ZNF609: variants seen among roughly 807,000 people sequenced by gnomAD.
ZNF609 encodes the protein zinc finger protein 609.
A neutral mutation model predicts 109.5 loss-of-function variants in ZNF609; 11 were observed. The observed-to-expected ratio is 0.10, with a 90% CI of 0.06 to 0.17. The LOEUF is 0.17. Among genes scored for constraint, ZNF609 ranks in the 10% least tolerant of loss-of-function variants. The pLI is 1.00. For missense variants in ZNF609, 1,559 were observed against 1,772.4 expected (o/e 0.88, Z 2.16); for synonymous variants, 646 against 662.0 (o/e 0.98, Z 0.37).
chr15:64,565,426 G>A (rs936827033), intron 2 of ZNF609, among the ~76,000 whole-genome samples: 1 of 151,860 alleles, frequency 6.6e-6, no homozygotes. Context: ...TGTTTTGCTT[G>A]TCTTTAAGTG....
rs1230666051 is a variant in ZNF609, at chr15:64,669,801, G to A, written c.974-545G>A. On this transcript the variant is annotated intron_variant, in intron 3 of 9. Transcript: ENST00000326648. ...TCCTGCCTCACTCTCCTGAGTAGCT[G>A]GGATTACAGGCATGCACCACTATGC... 3.3e-5 allele frequency among the ~76,000 whole-genome samples: 5 copies of A among 152,208 alleles called. No homozygotes were observed. The East Asian group carries it at 5.8e-4, about 18-fold the overall frequency.
chr15:64,608,216 T>C (rs1895644773), intron 2 of ZNF609, among the ~76,000 whole-genome samples: 1 of 152,144 alleles, frequency 6.6e-6, no homozygotes, highest in Non-Finnish European at 1.5e-5. Flanking sequence ...CTTATTTTAA[T>C]TCTAGTCTGG....
chr15:64,592,658 C>T (rs151256806), intron 2 of ZNF609, among the ~76,000 whole-genome samples: 18 of 151,560 alleles, frequency 1.2e-4, no homozygotes, highest in African/African-American at 4.4e-4. Flanking sequence ...TCACGAGGCC[C>T]GCAATCCCAG....
At chr15:64,624,761 CTTT>C (rs11411889) in intron 3 of ZNF609, among the ~76,000 whole-genome samples, 3 of 131,866 alleles carry the variant, frequency 2.3e-5, no homozygotes, top group Non-Finnish European at 4.7e-5. Flanking sequence ...GTTACGTACA[CTTT>C]TTTTTTTTTT....
chr15:64,481,743 C>A (rs906540745), intron 1 of ZNF609, among the ~76,000 whole-genome samples: 1 of 152,108 alleles, frequency 6.6e-6, no homozygotes, highest in African/African-American at 2.4e-5. Flanking sequence ...ATTCAATAAG[C>A]CTCTTTGTAG....
In ZNF609 at chr15:64,674,845, C is replaced by G; in HGVS notation, c.1991C>G (p.Pro664Arg). ...GCCCGTCCCATTGCCCCTGCCATCC[C>G]CCCACAGCAAATCTACACCTTCCAG... is the stretch of plus-strand genomic sequence containing the variant. ...KSARPIAPAI[P>R]PQQIYTFQTA... Residue 664 changes from proline (P) to arginine (R), a missense_variant, in exon 5 of 10, where the codon CCC (proline) becomes CGC (arginine). Pro to Arg is a moderately radical substitution (Grantham distance 103). Transcript: ENST00000326648. 6.2e-7 allele frequency: 1 copy of G among 1,614,164 alleles called. No individual in the cohort carries two copies. Among genetic ancestry groups the G allele is most frequent in the Non-Finnish European group, 8.5e-7 (1 of 1,180,036 alleles).
At chr15:64,487,609 GT>G (rs966684139) in intron 1 of ZNF609, among the ~76,000 whole-genome samples, 12 of 146,864 alleles carry the variant, frequency 8.2e-5, no homozygotes, top group Admixed American at 6.8e-5. Flanking sequence ...ATTCACAGGT[GT>G]TTTTTTTTTG....
rs1457111000 is a variant in ZNF609, at chr15:64,499,769, G to C, written c.350G>C (p.Ser117Thr). ...TTCACTCCAAGTGAGGGGGCAGCTA[G>C]CAAGAAAGAGGTGCAGGGGCGCTCA... is the stretch of plus-strand genomic sequence containing the variant. ...SLFTPSEGAASKKEVQGRSGD... is the reference protein window; with the variant it reads ...SLFTPSEGAATKKEVQGRSGD... The change falls in exon 2 of 10, where the codon AGC becomes ACC. Residue 117 changes from serine to threonine, a missense_variant. Physicochemically the swap from Ser to Thr is moderately conservative, Grantham distance 58. Transcript: ENST00000326648. 6.2e-7 allele frequency: 1 copy of C among 1,614,038 alleles called. No homozygotes were observed. Among genetic ancestry groups the C allele is most frequent in the South Asian group, 1.1e-5 (1 of 91,076 alleles).
chr15:64,602,837 C>T (rs1316238532), intron 2 of ZNF609, among the ~76,000 whole-genome samples: 10 of 146,890 alleles, frequency 6.8e-5, no homozygotes, highest in African/African-American at 2.5e-4. Context: ...ATTCTCCTGA[C>T]TCAGCCTCCC....
chr15:64,604,816 G>GTTAT (rs1419551608), intron 2 of ZNF609, among the ~76,000 whole-genome samples: 14 of 151,702 alleles, frequency 9.2e-5, no homozygotes, highest in Non-Finnish European at 1.9e-4. Flanking sequence ...AATTTATTTA[G>GTTAT]TTATTTATTC....
intron 2 of ZNF609, among the ~76,000 whole-genome samples, chr15:64,514,192 G>A (rs928653072): frequency 6.6e-6 from 1 of 151,278 alleles, no homozygotes; most frequent in South Asian, 2.1e-4. Flanking sequence ...CATTCAAATT[G>A]GTTTTTGTTC....
At chr15:64,561,971 AC>A (rs1250411423) in intron 2 of ZNF609, among the ~76,000 whole-genome samples, 1 of 152,074 alleles carries the variant, frequency 6.6e-6, no homozygotes, top group Non-Finnish European at 1.5e-5. Flanking sequence ...ATAAGGGTAG[AC>A]CTCCTAATGC....
At chr15:64,663,022 T>C (rs1896601784) in intron 3 of ZNF609, among the ~76,000 whole-genome samples, 1 of 152,154 alleles carries the variant, frequency 6.6e-6, no homozygotes, top group African/African-American at 2.4e-5. Flanking sequence ...TACAGATGTA[T>C]GTATCACCTA....
intron 4 of ZNF609, among the ~76,000 whole-genome samples, chr15:64,672,367 G>A (rs1896745155): frequency 6.7e-6 from 1 of 150,132 alleles, no homozygotes; most frequent in African/African-American, 2.4e-5. Context: ...GCTAACGCCT[G>A]TAATCCCAGC....
chr15:64,529,327 C>G, intron 2 of ZNF609: 1 of 724,038 alleles, frequency 1.4e-6, no homozygotes, highest in Non-Finnish European at 2.5e-6. Context: ...CTTTTGGCTC[C>G]CCCCTGCAAG....
chr15:64,497,225 T>C (rs1221235148), intron 1 of ZNF609, among the ~76,000 whole-genome samples: 1 of 152,242 alleles, frequency 6.6e-6, no homozygotes, highest in African/African-American at 2.4e-5. Flanking sequence ...TCTTATAAAG[T>C]AGGATCTATG....
intron 2 of ZNF609, chr15:64,592,871 C>T: frequency 1.6e-6 from 1 of 621,116 alleles, no homozygotes; most frequent in Non-Finnish European, 2.8e-6. Flanking sequence ...TGGGATCGCG[C>T]CACTGCACCC....
chr15:64,576,904 A>G (rs561068318), intron 2 of ZNF609, among the ~76,000 whole-genome samples: 44 of 133,206 alleles, frequency 3.3e-4, no homozygotes, highest in Non-Finnish European at 6.9e-4. Context: ...ATATACATAT[A>G]TATGTATATA....
intron 2 of ZNF609, among the ~76,000 whole-genome samples, chr15:64,539,916 C>T (rs1296026281): frequency 1.3e-5 from 2 of 152,148 alleles, no homozygotes; most frequent in East Asian, 1.9e-4. Context: ...GGATTACGGG[C>T]CTGAGCCACT....
Sources: allele counts gnomAD v4.1 joint callset (sites outside exome capture counted in the v4.1 genomes callset), GRCh38; gene constraint gnomAD v4.1.1; transcripts MANE v1.5; gene names NCBI Gene and HGNC (gene_info 2026-07-23, HGNC 2026-07-21).